GPC6: variants seen among roughly 807,000 people sequenced by gnomAD.
The protein encoded by GPC6 is glypican-6.
GPC6 carries 14 observed loss-of-function variants against 55.2 expected under a neutral mutation model. The observed-to-expected ratio is 0.25, with a 90% CI of 0.17 to 0.40. GPC6 has a LOEUF of 0.40. GPC6 is among the 10% of genes least tolerant of loss of function. The pLI, the probability that GPC6 is intolerant of heterozygous loss-of-function variation, is 1.00. For synonymous variants in GPC6, 278 were observed against 259.6 expected (o/e 1.07, Z -0.68); for missense variants, 641 against 708.5 (o/e 0.90, Z 1.08).
chr13:93,933,778 G>A (rs1239821321), intron 3 of GPC6, among the ~76,000 whole-genome samples: 1 of 152,154 alleles, frequency 6.6e-6, no homozygotes, highest in Non-Finnish European at 1.5e-5. Flanking sequence ...TGTAAGTAGA[G>A]TATGTTTAAA....
At chr13:93,654,837 A>AT (rs1255934947) in intron 2 of GPC6, among the ~76,000 whole-genome samples, 1,879 of 135,514 alleles carry the variant, frequency 0.014, 14 homozygotes, top group Non-Finnish European at 0.016. Flanking sequence ...ACATAACCAG[A>AT]TTTTTTTTTT....
intron 1 of GPC6, among the ~76,000 whole-genome samples, chr13:93,307,988 G>A (rs2031845): frequency 0.12 from 18,963 of 152,010 alleles, 1,386 homozygotes; most frequent in East Asian, 0.36. Flanking sequence ...AATGGTGGCC[G>A]GGCATGGTGG....
At chr13:93,289,223 G>T (rs941497203) in intron 1 of GPC6, among the ~76,000 whole-genome samples, 19 of 152,072 alleles carry the variant, frequency 1.2e-4, no homozygotes, top group African/African-American at 4.6e-4. Context: ...AGGAGACAAG[G>T]GGAGAACCCT....
rs113716521 is a variant in GPC6 at position 93,632,619 on chromosome 13, A to G, written c.319+87198A>G. Among the ~76,000 whole-genome samples the G allele has an allele frequency of 2.5e-3, 340 of 137,070 alleles. 4 individuals carry two copies. Among genetic ancestry groups the G allele is most frequent in the African/African-American group, 3.0e-3 (106 of 35,170 alleles). The allele number at this position is 137,070 out of a possible 152,430, so 89.9% of individuals were successfully genotyped here. ...TATGTATATGTGTGTATATATATGT[A>G]TATATATATATATATATAATAAAAT... is the stretch of plus-strand genomic sequence containing the variant. On this transcript the variant is annotated intron_variant, in intron 2 of 8. Transcript: ENST00000377047.
chr13:94,198,909 C>T (rs1001288128), intron 4 of GPC6, among the ~76,000 whole-genome samples: 1 of 152,154 alleles, frequency 6.6e-6, no homozygotes, highest in Non-Finnish European at 1.5e-5. Flanking sequence ...CTCTTTCCAT[C>T]GTATGGCACA....
At chr13:93,501,716 G>A (rs1053977502) in intron 1 of GPC6, among the ~76,000 whole-genome samples, 3 of 152,208 alleles carry the variant, frequency 2.0e-5, no homozygotes, top group South Asian at 2.1e-4. Context: ...CCACATAAAT[G>A]GAAGCAAAAT....
intron 1 of GPC6, among the ~76,000 whole-genome samples, chr13:93,305,020 C>T (rs902679781): frequency 1.3e-5 from 2 of 152,182 alleles, no homozygotes; most frequent in African/African-American, 4.8e-5. Context: ...CAGGATCATT[C>T]TCTACTTTCT....
intron 1 of GPC6, among the ~76,000 whole-genome samples, chr13:93,463,746 T>TG (rs200452410): frequency 0.03 from 1,691 of 57,218 alleles, 14 homozygotes; most frequent in Non-Finnish European, 0.048. Context: ...ATGGCTCCAC[T>TG]TTTTTTTTTT....
rs140577555 is a variant in GPC6 at position 94,050,055 on chromosome 13, G to A, written c.877+22161G>A. ...TCACCATGATTGTGAGGGCTCCCCA[G>A]CCACGTAGAACTGTGAGTCCATTAA... On this transcript the variant is annotated intron_variant, in intron 4 of 8. Transcript: ENST00000377047. Among the ~76,000 whole-genome samples, 385 of 152,140 alleles carry A rather than the reference G, an allele frequency of 2.5e-3. 1 individual carries two copies. The highest frequency in any genetic ancestry group is 8.9e-3 in the African/African-American group (371 of 41,538).
intron 1 of GPC6, among the ~76,000 whole-genome samples, chr13:93,338,816 A>AT (rs778298146): frequency 6.6e-6 from 1 of 152,118 alleles, no homozygotes; most frequent in African/African-American, 2.4e-5. Flanking sequence ...ATATCAATAT[A>AT]TTTTTTTAAA....
chr13:94,372,574 G>A (rs1431180092), intron 6 of GPC6, among the ~76,000 whole-genome samples: 14 of 152,250 alleles, frequency 9.2e-5, no homozygotes, highest in Admixed American at 5.9e-4. Flanking sequence ...CGCCCACGGA[G>A]TCTCGCTGAT....
chr13:93,623,455 CTT>C (rs567830011), intron 2 of GPC6, among the ~76,000 whole-genome samples: 3,594 of 115,534 alleles, frequency 0.031, 74 homozygotes, highest in African/African-American at 0.12. Flanking sequence ...CTTTTCTTTT[CTT>C]TTTTTTTTTT....
At chr13:93,982,055 CACTTGGGGTAAATACCACTGA>C (rs1304423732) in intron 3 of GPC6, among the ~76,000 whole-genome samples, 3 of 152,170 alleles carry the variant, frequency 2.0e-5, no homozygotes, top group Admixed American at 2.0e-4. Context: ...GTGGAATGGT[CACTTGGGGTAAATACCACTGA>C]ACAAGAAATT....
intron 3 of GPC6, among the ~76,000 whole-genome samples, chr13:93,886,932 C>G (rs138998666): frequency 6.6e-6 from 1 of 151,748 alleles, no homozygotes; most frequent in African/African-American, 2.4e-5. Flanking sequence ...GGAATACATG[C>G]GTCTAACTGG....
At chr13:94,361,114 T>A (rs1879040028) in intron 6 of GPC6, among the ~76,000 whole-genome samples, 1 of 152,228 alleles carries the variant, frequency 6.6e-6, no homozygotes, top group South Asian at 2.1e-4. Context: ...CCTTTCAACA[T>A]TTTTTACAAA....
intron 2 of GPC6, among the ~76,000 whole-genome samples, chr13:93,727,610 A>C (rs1883688859): frequency 6.6e-6 from 1 of 152,218 alleles, no homozygotes; most frequent in South Asian, 2.1e-4. Context: ...CTGATGTTAT[A>C]ACATGAAACC....
intron 4 of GPC6, among the ~76,000 whole-genome samples, chr13:94,091,129 A>T (rs1885466305): frequency 6.6e-6 from 1 of 152,186 alleles, no homozygotes; most frequent in Non-Finnish European, 1.5e-5. Context: ...ACTGAACAAG[A>T]ATAAATATAG....
chr13:93,353,691 G>C (rs1880714462), intron 1 of GPC6, among the ~76,000 whole-genome samples: 1 of 152,236 alleles, frequency 6.6e-6, no homozygotes, highest in South Asian at 2.1e-4. Context: ...ACGTGAGGCT[G>C]TCTGGGTCAT....
At chr13:93,265,092 T>A (rs1042687888) in intron 1 of GPC6, among the ~76,000 whole-genome samples, 1 of 152,214 alleles carries the variant, frequency 6.6e-6, no homozygotes, top group African/African-American at 2.4e-5. Context: ...TAGCTCATTA[T>A]ATGCTTAAAT....
Sources: allele counts gnomAD v4.1 joint callset (sites outside exome capture counted in the v4.1 genomes callset), GRCh38; gene constraint gnomAD v4.1.1; transcripts MANE v1.5; gene names NCBI Gene and HGNC (gene_info 2026-07-23, HGNC 2026-07-21).